The following NDST4 variants were observed in gnomAD, a reference collection of about 807,000 sequenced individuals.
NDST4 encodes N-deacetylase and N-sulfotransferase 4, also known as N-heparan sulfate sulfotransferase 4.
In NDST4, 63 loss-of-function variants were observed where a neutral mutation model predicts 100.8. The observed-to-expected ratio is 0.62, with a 90% CI of 0.51 to 0.77. NDST4 has a LOEUF of 0.77. Among genes scored for constraint, NDST4 ranks in the 30% least tolerant of loss-of-function variants. The probability of loss-of-function intolerance (pLI) is 0.00; values close to 1 mark genes in which losing one functional copy is unlikely to be tolerated. For synonymous variants in NDST4, 377 were observed against 361.8 expected, an observed-to-expected ratio of 1.04 and a Z score of -0.48; for missense variants, 943 against 1,018.4, an observed-to-expected ratio of 0.93 and a Z score of 1.01.
chr4:114,846,318 C>G (rs2126186293), intron 9 of NDST4, among the ~76,000 whole-genome samples: 1 of 152,122 alleles, frequency 6.6e-6, no homozygotes, highest in South Asian at 2.1e-4. Context: ...TTGCCTGTGG[C>G]AAATAGCAAA....
intron 2 of NDST4, among the ~76,000 whole-genome samples, chr4:115,027,734 A>G (rs988374112): frequency 3.7e-4 from 56 of 152,142 alleles, no homozygotes; most frequent in African/African-American, 1.3e-3. Context: ...CATTTTGAGC[A>G]TTGAACTTCT....
chr4:114,933,318 C>T (rs1217827858), intron 6 of NDST4, among the ~76,000 whole-genome samples: 1 of 151,628 alleles, frequency 6.6e-6, no homozygotes. Context: ...ATTTAAAAAT[C>T]AACTCAAAAT....
intron 6 of NDST4, 91 bp from the exon 7 acceptor site, chr4:114,871,041 T>C: frequency 1.2e-6 from 1 of 820,114 alleles, no homozygotes; most frequent in Non-Finnish European, 1.8e-6. Context: ...CACCTCACCT[T>C]GGAATTTCAC....
At chr4:114,930,148 A>C (rs1185013093) in intron 6 of NDST4, among the ~76,000 whole-genome samples, 1 of 152,208 alleles carries the variant, frequency 6.6e-6, no homozygotes, top group Non-Finnish European at 1.5e-5. Context: ...AATATCCTTG[A>C]TGTTTTTAAA....
intron 6 of NDST4, among the ~76,000 whole-genome samples, chr4:114,911,322 T>G (rs1725057290): frequency 6.6e-6 from 1 of 152,184 alleles, no homozygotes; most frequent in African/African-American, 2.4e-5. Flanking sequence ...TTATGCCAAT[T>G]GCTACTCTTT....
chr4:114,938,463 C>G (rs1250567103), intron 4 of NDST4, among the ~76,000 whole-genome samples: 1 of 152,114 alleles, frequency 6.6e-6, no homozygotes, highest in Non-Finnish European at 1.5e-5. Context: ...ATTTCTGTTT[C>G]TTTATATCCC....
rs1729197199 is a variant in NDST4, at chr4:115,076,849, A to G, written c.188T>C (p.Met63Thr). 6.2e-7 allele frequency: 1 copy of G among 1,613,714 alleles called. No individual in the cohort carries two copies. Among genetic ancestry groups the G allele is most frequent in the African/African-American group, 1.3e-5 (1 of 74,912 alleles). The change falls in exon 2 of 14, where the codon ATG becomes ACG. Residue 63 changes from methionine to threonine, a missense_variant. Transcript: ENST00000264363. ...AATAGGTTTAACTGTTTTCAGCTCC[A>G]TTGACCTATATGGTAGAATTTTGAT... ...TDIKILPYRSMELKTVKPIDT... is the reference protein window; with the variant it reads ...TDIKILPYRSTELKTVKPIDT...
intron 7 of NDST4, among the ~76,000 whole-genome samples, chr4:114,856,627 A>C (rs938691647): frequency 6.6e-6 from 1 of 152,198 alleles, no homozygotes; most frequent in Non-Finnish European, 1.5e-5. Flanking sequence ...ATCCATTAAG[A>C]AATGCTTAGG....
chr4:115,029,914 T>C (rs1456468140), intron 2 of NDST4, among the ~76,000 whole-genome samples: 3 of 152,144 alleles, frequency 2.0e-5, no homozygotes, highest in African/African-American at 7.2e-5. Context: ...GGGAAAAAGT[T>C]TGTAGCTGAG....
At chr4:115,110,425 G>A (rs547576096) in intron 1 of NDST4, among the ~76,000 whole-genome samples, 2 of 151,958 alleles carry the variant, frequency 1.3e-5, no homozygotes, top group East Asian at 3.9e-4. Context: ...AGACAACATG[G>A]TTTCTCTTTT....
At chr4:114,984,222 A>T (rs893242080) in intron 2 of NDST4, among the ~76,000 whole-genome samples, 1 of 152,030 alleles carries the variant, frequency 6.6e-6, no homozygotes, top group Non-Finnish European at 1.5e-5. Context: ...GGAGTCACCC[A>T]GGCTGGAGTA....
intron 4 of NDST4, among the ~76,000 whole-genome samples, chr4:114,951,203 A>C (rs1413602927): frequency 6.6e-6 from 1 of 152,126 alleles, no homozygotes; most frequent in Non-Finnish European, 1.5e-5. Context: ...ATGCACATGA[A>C]TGAACACTTT....
At chr4:114,985,685 A>T (rs1726885152) in intron 2 of NDST4, among the ~76,000 whole-genome samples, 1 of 152,230 alleles carries the variant, frequency 6.6e-6, no homozygotes, top group South Asian at 2.1e-4. Flanking sequence ...ACACATAACA[A>T]ATCAATCAAA....
chr4:114,935,541 GGTTAAATAAT>G (rs1041448620), intron 5 of NDST4, among the ~76,000 whole-genome samples: 2 of 152,074 alleles, frequency 1.3e-5, no homozygotes, highest in Non-Finnish European at 2.9e-5. Flanking sequence ...AAAAAATATA[GGTTAAATAAT>G]TTTCAGTTGG....
intron 4 of NDST4, among the ~76,000 whole-genome samples, chr4:114,962,263 T>A (rs568532014): frequency 1.3e-4 from 20 of 152,230 alleles, no homozygotes; most frequent in Admixed American, 3.3e-4. Context: ...AGGATATTTG[T>A]TCTTGCCATT....
At chr4:114,943,028 A>C (rs1201417314) in intron 4 of NDST4, among the ~76,000 whole-genome samples, 1 of 147,370 alleles carries the variant, frequency 6.8e-6, no homozygotes, top group East Asian at 1.9e-4. Context: ...ATATAATATA[A>C]TTTAAATTAT....
intron 7 of NDST4, among the ~76,000 whole-genome samples, chr4:114,858,580 A>C (rs1723850474): frequency 6.6e-6 from 1 of 152,174 alleles, no homozygotes; most frequent in Admixed American, 6.5e-5. Flanking sequence ...ATAAACTATT[A>C]GTTGGTGCAG....
chr4:114,867,042 G>C (rs755430124), intron 7 of NDST4, among the ~76,000 whole-genome samples: 7 of 152,024 alleles, frequency 4.6e-5, no homozygotes, highest in Non-Finnish European at 7.4e-5. Context: ...AAAACCTAGG[G>C]CTTTAGTCCT....
rs528560155 is a variant in NDST4 at position 114,920,398 on chromosome 4, G to A, written c.1536+14808C>T. On this transcript the variant is annotated intron_variant, in intron 6 of 13. Transcript: ENST00000264363. Reference sequence around the variant, plus strand: ...ATTGCAGGAGGATGGCAATTTTCAAGTCACATCTTTTATTCACTTTTGATT... The same window carrying A: ...ATTGCAGGAGGATGGCAATTTTCAAATCACATCTTTTATTCACTTTTGATT... Among the ~76,000 whole-genome samples, 231 of 152,244 alleles carry A rather than the reference G, an allele frequency of 1.5e-3. 3 individuals carry two copies. Among genetic ancestry groups the A allele is most frequent in the Non-Finnish European group, 4.6e-4 (31 of 68,000 alleles).
Sources: allele counts gnomAD v4.1 joint callset (sites outside exome capture counted in the v4.1 genomes callset), GRCh38; gene constraint gnomAD v4.1.1; transcripts MANE v1.5; gene names NCBI Gene and HGNC (gene_info 2026-07-23, HGNC 2026-07-21).